The following ACSS3 variants were observed in gnomAD, a reference collection of about 807,000 sequenced individuals.
ACSS3 encodes acyl-CoA synthetase short chain family member 3.
A neutral mutation model predicts 84.2 loss-of-function variants in ACSS3; 64 were observed. The ratio of observed to expected loss-of-function variants is 0.76; its 90% CI spans 0.62 to 0.94. The LOEUF (loss-of-function observed/expected upper bound fraction) is 0.94, where lower values mean the gene tolerates loss of function less well. ACSS3 is among the 40% of genes least tolerant of loss of function. The probability of loss-of-function intolerance (pLI) is 0.00; values close to 1 mark genes in which losing one functional copy is unlikely to be tolerated. For missense variants in ACSS3, 815 were observed against 867.6 expected, an observed-to-expected ratio of 0.94 and a Z score of 0.76; for synonymous variants, 317 against 310.1, an observed-to-expected ratio of 1.02 and a Z score of -0.23.
intron 8 of ACSS3, among the ~76,000 whole-genome samples, chr12:81,175,646 C>T (rs1426705596): frequency 2.6e-5 from 4 of 151,998 alleles, no homozygotes; most frequent in African/African-American, 9.7e-5. Context: ...AAAAACATAC[C>T]AGTGACACTC....
chr12:81,253,252 A>G (rs2034207266), intron 13 of ACSS3, 55 bp from the exon 14 acceptor site: 14 of 1,464,642 alleles, frequency 9.6e-6, no homozygotes, highest in African/African-American at 1.4e-5. Flanking sequence ...TATATGTTGA[A>G]TATACATATA....
intron 2 of ACSS3, among the ~76,000 whole-genome samples, chr12:81,131,433 G>A (rs749640802): frequency 8.5e-5 from 13 of 152,104 alleles, no homozygotes; most frequent in Non-Finnish European, 1.9e-4. Flanking sequence ...CTGTTTGTCT[G>A]TTATTGATGT....
chr12:81,235,222 AGAT>A (rs1166467783), intron 13 of ACSS3, among the ~76,000 whole-genome samples: 1 of 151,470 alleles, frequency 6.6e-6, no homozygotes, highest in Non-Finnish European at 1.5e-5. Flanking sequence ...GTCAAAAATC[AGAT>A]GATAATATTG....
chr12:81,132,959 T>C (rs972216572), intron 2 of ACSS3, among the ~76,000 whole-genome samples: 6 of 152,158 alleles, frequency 3.9e-5, no homozygotes, highest in African/African-American at 1.4e-4. Flanking sequence ...CCAATTTTTG[T>C]CTTGTTTTTT....
chr12:81,187,234 C>G (rs2031316925), intron 8 of ACSS3, among the ~76,000 whole-genome samples: 1 of 151,618 alleles, frequency 6.6e-6, no homozygotes, highest in Non-Finnish European at 1.5e-5. Flanking sequence ...AACAGATATT[C>G]AGATGAACAG....
intron 8 of ACSS3, among the ~76,000 whole-genome samples, chr12:81,179,308 A>C (rs201231798): frequency 1.9e-5 from 1 of 54,052 alleles, no homozygotes; most frequent in African/African-American, 5.5e-5. Flanking sequence ...AAAAAAAAAC[A>C]CAAAAAAAAC....
intron 13 of ACSS3, among the ~76,000 whole-genome samples, chr12:81,234,693 C>T (rs1184182450): frequency 6.6e-6 from 1 of 151,168 alleles, no homozygotes; most frequent in African/African-American, 2.4e-5. Flanking sequence ...ATCCATATAC[C>T]TTTTTTGATG....
chr12:81,122,320 G>C (rs148087863), intron 2 of ACSS3, among the ~76,000 whole-genome samples: 1 of 151,824 alleles, frequency 6.6e-6, no homozygotes, highest in African/African-American at 2.4e-5. Flanking sequence ...TATCTCTACC[G>C]ACTCTACTTG....
chr12:81,226,386 C>G (rs1483461232), intron 11 of ACSS3, among the ~76,000 whole-genome samples: 1 of 151,424 alleles, frequency 6.6e-6, no homozygotes, highest in Non-Finnish European at 1.5e-5. Flanking sequence ...ACTATTTTTC[C>G]TGTTTTATAC....
chr12:81,188,966 G>T (rs1427533489), intron 8 of ACSS3, among the ~76,000 whole-genome samples: 1 of 151,952 alleles, frequency 6.6e-6, no homozygotes, highest in Non-Finnish European at 1.5e-5. Flanking sequence ...TTTTCAAAAA[G>T]AATATATTAA....
At position 81,143,203 on chromosome 12, in the gene ACSS3, C is replaced by G; in HGVS notation, c.877C>G (p.Pro293Ala). 1 of 1,612,774 alleles carries G rather than the reference C, an allele frequency of 6.2e-7. No homozygotes were observed. Among genetic ancestry groups the G allele is most frequent in the Non-Finnish European group, 8.5e-7 (1 of 1,179,014 alleles). Residue 293 changes from proline to alanine, a missense_variant, in exon 5 of 16, where the codon CCA becomes GCA. Transcript: ENST00000548058. ...CTGTGTTCCTGTTCTTTCAGAACAC[C>G]CACTGTATATTCTTTACACATCTGG... ...HDCVPVLSEH[P>A]LYILYTSGTT...
At chr12:81,124,993 T>C (rs571808499) in intron 2 of ACSS3, among the ~76,000 whole-genome samples, 73 of 152,192 alleles carry the variant, frequency 4.8e-4, no homozygotes, top group Non-Finnish European at 9.6e-4. Context: ...GGCGGGCAGA[T>C]CACGAGGTCA....
At chr12:81,161,076 T>C (rs1887122547) in intron 7 of ACSS3, among the ~76,000 whole-genome samples, 1 of 152,242 alleles carries the variant, frequency 6.6e-6, no homozygotes, top group South Asian at 2.1e-4. Flanking sequence ...AATTCTAATA[T>C]ATAAACACTA....
At chr12:81,199,677 C>T in intron 9 of ACSS3, 10 of 1,443,402 alleles carry the variant, frequency 6.9e-6, no homozygotes, top group Non-Finnish European at 9.2e-6. Context: ...GCACTAAAGA[C>T]CTCTTTATCT....
At chr12:81,133,928 C>T (rs1322328986) in intron 2 of ACSS3, among the ~76,000 whole-genome samples, 1 of 151,878 alleles carries the variant, frequency 6.6e-6, no homozygotes, top group Non-Finnish European at 1.5e-5. Flanking sequence ...GAGTACTTCC[C>T]ACAGCCCTCT....
At chr12:81,249,497 C>G (rs560183799) in intron 13 of ACSS3, among the ~76,000 whole-genome samples, 1 of 152,144 alleles carries the variant, frequency 6.6e-6, no homozygotes, top group African/African-American at 2.4e-5. Flanking sequence ...TTGTTCTAAC[C>G]AAAGTGTCAC....
intron 1 of ACSS3, among the ~76,000 whole-genome samples, chr12:81,100,612 A>G (rs779304329): frequency 2.0e-5 from 3 of 152,242 alleles, no homozygotes; most frequent in Non-Finnish European, 4.4e-5. Flanking sequence ...TATATCAGTC[A>G]GAATAGCCTA....
At chr12:81,143,371 T>C (rs1886185015) in intron 5 of ACSS3, 124 bp downstream of exon 5, 1 of 1,080,730 alleles carries the variant, frequency 9.3e-7, no homozygotes, top group Middle Eastern at 2.7e-4. Context: ...CTTCATTTGC[T>C]TTTATTTTTT....
intron 9 of ACSS3, among the ~76,000 whole-genome samples, chr12:81,210,110 G>A (rs1270224996): frequency 1.3e-5 from 2 of 152,282 alleles, no homozygotes; most frequent in South Asian, 2.1e-4. Flanking sequence ...AAGCAGCCCA[G>A]TAGGTCTCAG....
Sources: gnomAD v4.1 joint callset for allele counts (sites outside exome capture counted in the v4.1 genomes callset) on GRCh38, gnomAD v4.1.1 for gene constraint, MANE v1.5 for transcripts, NCBI Gene and HGNC (gene_info 2026-07-23, HGNC 2026-07-21) for gene names.